The following PPM1F variants were observed in gnomAD, a reference collection of about 807,000 sequenced individuals.
PPM1F encodes the protein protein phosphatase 1F.
A neutral mutation model predicts 35.5 loss-of-function variants in PPM1F; 17 were observed. The ratio of observed to expected loss-of-function variants is 0.48; its 90% CI spans 0.33 to 0.72. PPM1F has a LOEUF of 0.72. PPM1F is among the 30% of genes least tolerant of loss of function. The probability of loss-of-function intolerance (pLI) is 0.02; values close to 1 mark genes in which losing one functional copy is unlikely to be tolerated. For synonymous variants in PPM1F, 241 were observed against 255.5 expected, an observed-to-expected ratio of 0.94 and a Z score of 0.54; for missense variants, 521 against 613.0, an observed-to-expected ratio of 0.85 and a Z score of 1.59.
chr22:21,932,745 A>G (rs1489098497), intron 5 of PPM1F: 1 of 152,248 alleles, frequency 6.6e-6, no homozygotes, highest in Non-Finnish European at 1.5e-5. Flanking sequence ...GATTGTTCCC[A>G]GAGGACGTCG....
intron 2 of PPM1F, chr22:21,942,132 A>G (rs969391447): frequency 2.6e-5 from 4 of 152,376 alleles, no homozygotes; most frequent in Non-Finnish European, 4.4e-5. Flanking sequence ...GTGATTCTGC[A>G]CTGGGCCGAC....
intron 3 of PPM1F, chr22:21,937,768 A>T (rs1384727056): frequency 4.7e-6 from 1 of 211,090 alleles, no homozygotes; most frequent in Non-Finnish European, 1.0e-5. Flanking sequence ...CGCTTAGCCT[A>T]GACTCTGCTC....
Position 21,934,136 on chromosome 22 carries a change from C to A in PPM1F, c.446G>T (p.Arg149Leu), listed in dbSNP as rs759016459. The A allele has an allele frequency of 6.4e-7, 1 of 1,573,042 alleles. No homozygotes were observed. Among genetic ancestry groups the A allele is most frequent in the East Asian group, 2.3e-5 (1 of 42,796 alleles). Residue 149 changes from arginine (R) to leucine (L), a missense_variant, in exon 4 of 8, where the codon CGG (arginine) becomes CTG (leucine). Arg to Leu is a moderately radical substitution (Grantham distance 102). This residue lies in a region of PPM1F where 311 missense variants were observed against 351.5 expected (regional missense o/e 0.88). Transcript: ENST00000263212. ...GACCAGCCACTGCCGCTGTGAGGCC[C>A]GGGCAGCCAATGGCACCTGCTTCTG... ...QWQKQVPLAARASQRQWLVSI... is the reference protein window; with the variant it reads ...QWQKQVPLAALASQRQWLVSI...
intron 2 of PPM1F, chr22:21,942,618 A>G (rs2070737346): frequency 6.6e-6 from 1 of 152,186 alleles, no homozygotes; most frequent in Admixed American, 6.5e-5. Context: ...GGTCCCGGTG[A>G]GGCCAGGCCT....
chr22:21,928,540 G>A (rs920596825), intron 6 of PPM1F, among the ~76,000 whole-genome samples: 3 of 152,194 alleles, frequency 2.0e-5, no homozygotes, highest in African/African-American at 7.2e-5. Context: ...GCAGGTGGGT[G>A]GTCTTCTCCC....
chr22:21,933,622 G>A (rs373484462), intron 4 of PPM1F, 43 bp from the exon 5 acceptor site: 1 of 1,569,546 alleles, frequency 6.4e-7, no homozygotes, highest in East Asian at 2.3e-5. Context: ...CGGGACCCAG[G>A]GTGCTCCCAG....
intron 7 of PPM1F, 112 bp downstream of exon 7, chr22:21,925,457 C>G (rs2070500783): frequency 1.2e-6 from 1 of 829,430 alleles, no homozygotes; most frequent in Admixed American, 2.1e-5. Context: ...TGACAAATCC[C>G]CCTCGGCCCA....
intron 1 of PPM1F, chr22:21,947,363 A>G (rs2070787652): frequency 6.6e-6 from 1 of 152,170 alleles, no homozygotes; most frequent in African/African-American, 2.4e-5. Flanking sequence ...TGACCCCTCC[A>G]AACCCTCCCC....
chr22:21,952,726 G>A (rs1445013762), intron 1 of PPM1F, 66 bp downstream of exon 1: 1 of 152,494 alleles, frequency 6.6e-6, no homozygotes, highest in Non-Finnish European at 1.5e-5. Context: ...GTGCGCCTTG[G>A]GCGCTCGCCT....
chr22:21,933,936 G>C, intron 4 of PPM1F, 88 bp downstream of exon 4: 1 of 1,284,150 alleles, frequency 7.8e-7, no homozygotes, highest in African/African-American at 1.5e-5. Flanking sequence ...CTCAGCCTTG[G>C]TGGGCAGCTC....
chr22:21,930,627 T>C (rs371929821), intron 6 of PPM1F, among the ~76,000 whole-genome samples: 7 of 152,266 alleles, frequency 4.6e-5, no homozygotes, highest in Admixed American at 2.6e-4. Context: ...CATTCCATGA[T>C]ATCTGAATGC....
chr22:21,949,865 C>T (rs569780608), intron 1 of PPM1F: 1 of 152,398 alleles, frequency 6.6e-6, no homozygotes, highest in South Asian at 2.1e-4. Context: ...ATTTAAGGTC[C>T]CACATAGGTG....
rs551762376 is a variant in PPM1F, at chr22:21,925,847, T to C, written c.892-185A>G. On this transcript the variant is annotated intron_variant, in intron 6 of 7. Coordinates refer to ENST00000263212, the MANE Select transcript of PPM1F (RefSeq NM_014634.4). ...GCTCATCAAAAACAGTGAGAAATTA[T>C]ACACAACCCACAAGTCCTTTAGTTG... 4.0e-5 allele frequency: 20 copies of C among 501,078 alleles called. No individual in the cohort carries two copies. In the East Asian group the frequency reaches 5.8e-4, roughly 15 times the overall value. The allele number at this position is 501,078 out of a possible 1,614,324, so 31.0% of individuals were successfully genotyped here.
chr22:21,925,738 A>AG, intron 6 of PPM1F, 76 bp from the exon 7 acceptor site: 1 of 1,208,024 alleles, frequency 8.3e-7, no homozygotes, highest in Non-Finnish European at 1.1e-6. Flanking sequence ...ACCTGAGCAG[A>AG]GGCACAGCTG....
Position 21,935,309 on chromosome 22 carries a change from GAGA to G in PPM1F, c.356-1086_356-1084del, listed in dbSNP as rs1467048958. 3.9e-5 allele frequency: 6 copies of G among 152,336 alleles called. No individual in the cohort carries two copies. The East Asian group carries it at 9.6e-4, about 24-fold the overall frequency. 9.4% of individuals were successfully genotyped at this position (152,336 alleles called of 1,614,324 possible). A position where few individuals can be genotyped will look rare whatever the true frequency, so the allele number is the denominator to read the frequency against. On this transcript the variant is annotated intron_variant, in intron 3 of 7. Transcript: ENST00000263212. ...TTGAAATAATAAAATGGTAGAAGCC[GAGA>G]AGATTAGTAGTTGCCAGTGGTTAGG... is the stretch of plus-strand genomic sequence containing the variant.
At chr22:21,933,644 G>T in intron 4 of PPM1F, 65 bp from the exon 5 acceptor site, 1 of 1,424,518 alleles carries the variant, frequency 7.0e-7, no homozygotes, top group Non-Finnish European at 9.8e-7. Context: ...GGGGCGTGGC[G>T]CCAGGCACTG....
intron 5 of PPM1F, among the ~76,000 whole-genome samples, chr22:21,932,041 C>T (rs1444145812): frequency 6.6e-6 from 1 of 151,510 alleles, no homozygotes; most frequent in African/African-American, 2.4e-5. Flanking sequence ...TGGTCTCAAA[C>T]TCCTGACCTC....
chr22:21,925,390 T>C, intron 7 of PPM1F, 179 bp downstream of exon 7: 2 of 583,144 alleles, frequency 3.4e-6, no homozygotes, highest in East Asian at 2.8e-5. Flanking sequence ...ACACTGGTGC[T>C]GCAGTCTCTG....
chr22:21,929,362 G>T (rs780895891), intron 6 of PPM1F, among the ~76,000 whole-genome samples: 3 of 152,154 alleles, frequency 2.0e-5, no homozygotes, highest in Non-Finnish European at 4.4e-5. Flanking sequence ...TGATCTCTGT[G>T]CTCCACATGC....
Sources: gnomAD v4.1 joint callset for allele counts (sites outside exome capture counted in the v4.1 genomes callset) on GRCh38, gnomAD v4.1.1 for gene constraint, gnomAD v4.1.1 regional missense constraint, MANE v1.5 for transcripts, NCBI Gene and HGNC (gene_info 2026-07-23, HGNC 2026-07-21) for gene names.